Variants in PDE10A observed in about 807,000 individuals in gnomAD.
PDE10A encodes the protein cAMP and cAMP-inhibited cGMP 3',5'-cyclic phosphodiesterase 10A.
A neutral mutation model predicts 97.7 loss-of-function variants in PDE10A; 39 were observed. The ratio of observed to expected loss-of-function variants is 0.40; its 90% CI spans 0.31 to 0.52. The LOEUF is 0.52. PDE10A is among the 20% of genes least tolerant of loss of function. The pLI, the probability that PDE10A is intolerant of heterozygous loss-of-function variation, is 0.56. For synonymous variants in PDE10A, 371 were observed against 376.8 expected, an observed-to-expected ratio of 0.98 and a Z score of 0.18; for missense variants, 731 against 1,047.8, an observed-to-expected ratio of 0.70 and a Z score of 4.17.
At chr6:165,815,478 A>T (rs897685113) in intron 1 of PDE10A, among the ~76,000 whole-genome samples, 2 of 152,174 alleles carry the variant, frequency 1.3e-5, no homozygotes, top group Non-Finnish European at 2.9e-5. Flanking sequence ...TGGGGTAACG[A>T]AGGGTGGAAG....
At chr6:165,984,432 A>C (rs1391023178) in intron 1 of PDE10A, among the ~76,000 whole-genome samples, 2 of 152,246 alleles carry the variant, frequency 1.3e-5, no homozygotes, top group Non-Finnish European at 2.9e-5. Flanking sequence ...GCAGTCATAC[A>C]TTTATTAATT....
chr6:165,406,603 C>T (rs1787193280), intron 13 of PDE10A, among the ~76,000 whole-genome samples: 1 of 152,038 alleles, frequency 6.6e-6, no homozygotes, highest in African/African-American at 2.4e-5. Flanking sequence ...ATTAACCTCA[C>T]CGTCTTTGAT....
At chr6:165,764,591 G>A (rs1020649364) in intron 1 of PDE10A, among the ~76,000 whole-genome samples, 1 of 152,132 alleles carries the variant, frequency 6.6e-6, no homozygotes, top group African/African-American at 2.4e-5. Flanking sequence ...GCTGGCTCAG[G>A]AGTGAAGCTG....
At chr6:165,771,496 A>T (rs907699376) in intron 1 of PDE10A, among the ~76,000 whole-genome samples, 2 of 152,138 alleles carry the variant, frequency 1.3e-5, no homozygotes, top group Non-Finnish European at 2.9e-5. Flanking sequence ...CAAAGAGAAG[A>T]CACCTGGGAA....
chr6:165,540,150 A>T (rs2128320909), intron 2 of PDE10A, among the ~76,000 whole-genome samples: 1 of 152,304 alleles, frequency 6.6e-6, no homozygotes, highest in South Asian at 2.1e-4. Context: ...CACGCAGTTC[A>T]TGCCTTCAAA....
intron 13 of PDE10A, among the ~76,000 whole-genome samples, chr6:165,401,018 A>G (rs1175559057): frequency 1.3e-5 from 2 of 152,184 alleles, no homozygotes; most frequent in African/African-American, 4.8e-5. Context: ...TAGTGACAGA[A>G]AGCAAATCAA....
At chr6:165,601,559 C>T (rs1054241922) in intron 1 of PDE10A, among the ~76,000 whole-genome samples, 1 of 152,126 alleles carries the variant, frequency 6.6e-6, no homozygotes, top group Non-Finnish European at 1.5e-5. Flanking sequence ...ATTGCCCTGT[C>T]CTTTAAATTC....
intron 1 of PDE10A, among the ~76,000 whole-genome samples, chr6:165,981,203 G>C (rs963201659): frequency 6.6e-6 from 1 of 152,136 alleles, no homozygotes; most frequent in Non-Finnish European, 1.5e-5. Flanking sequence ...TTATTGAACT[G>C]TGATGCTTTA....
intron 1 of PDE10A, among the ~76,000 whole-genome samples, chr6:165,881,392 CTTT>C (rs68159417): frequency 0.25 from 26,415 of 107,114 alleles, 2,771 homozygotes; most frequent in East Asian, 0.36. Context: ...TTTTTCTTTT[CTTT>C]TTTTTTTTTT....
rs1300320070 is a variant in PDE10A, at chr6:165,662,064, C to T, written c.748G>A (p.Gly250Ser). Reference protein sequence around the residue: ...GGGQTPRRPQGASFALAAAAA... With the variant: ...GGGQTPRRPQSASFALAAAAA... ...GCGGCGGCGAGGGCGAAGCTGGCGC[C>T]CTGGGGACGCCGCGGAGTTTGGCCG... Residue 250 changes from glycine (G) to serine (S), a missense_variant, in exon 1 of 22, where the codon GGC (glycine) becomes AGC (serine). Coordinates refer to ENST00000539869, the MANE Select transcript of PDE10A (RefSeq NM_001385079.1). 16 of 1,403,014 alleles carry T rather than the reference C, an allele frequency of 1.1e-5. No homozygotes were observed. The highest frequency in any genetic ancestry group is 1.4e-5 in the Non-Finnish European group (15 of 1,065,276). The allele number at this position is 1,403,014 out of a possible 1,614,324, so 86.9% of individuals were successfully genotyped here.
intron 1 of PDE10A, among the ~76,000 whole-genome samples, chr6:165,591,689 C>T (rs988231926): frequency 6.6e-6 from 1 of 152,090 alleles, no homozygotes; most frequent in South Asian, 2.1e-4. Flanking sequence ...TTGTTTTTTG[C>T]TTTTTTGTTT....
At chr6:165,692,783 C>T (rs1418197740) in intron 1 of PDE10A, among the ~76,000 whole-genome samples, 1 of 152,180 alleles carries the variant, frequency 6.6e-6, no homozygotes, top group African/African-American at 2.4e-5. Flanking sequence ...TTGTATCCAC[C>T]TTTCCCTTCT....
At chr6:165,526,194 T>G (rs1004986634) in intron 2 of PDE10A, among the ~76,000 whole-genome samples, 1 of 152,194 alleles carries the variant, frequency 6.6e-6, no homozygotes, top group Non-Finnish European at 1.5e-5. Flanking sequence ...TAGTGGACAC[T>G]GGCTCTGAGC....
At chr6:165,607,885 G>A (rs966175064) in intron 1 of PDE10A, among the ~76,000 whole-genome samples, 5 of 151,960 alleles carry the variant, frequency 3.3e-5, no homozygotes, top group Non-Finnish European at 5.9e-5. Context: ...CAATGTCAAT[G>A]TCACCCTATC....
chr6:165,909,466 G>T (rs1359787121), intron 1 of PDE10A, among the ~76,000 whole-genome samples: 1 of 152,198 alleles, frequency 6.6e-6, no homozygotes, highest in African/African-American at 2.4e-5. Context: ...ATAGAAAATG[G>T]CTTCCTGGTT....
intron 1 of PDE10A, among the ~76,000 whole-genome samples, chr6:165,834,313 A>T (rs1162417659): frequency 6.6e-6 from 1 of 152,216 alleles, no homozygotes; most frequent in Non-Finnish European, 1.5e-5. Context: ...CACACTTTCC[A>T]AACTGGCAGT....
intron 1 of PDE10A, among the ~76,000 whole-genome samples, chr6:165,715,904 A>G (rs1792014965): frequency 6.6e-6 from 1 of 152,204 alleles, no homozygotes; most frequent in Non-Finnish European, 1.5e-5. Flanking sequence ...CTGTCCTACC[A>G]GACAGTCAGG....
At chr6:165,551,189 T>C (rs1783997045) in intron 1 of PDE10A, among the ~76,000 whole-genome samples, 1 of 152,212 alleles carries the variant, frequency 6.6e-6, no homozygotes, top group Non-Finnish European at 1.5e-5. Flanking sequence ...AAAACCTTCC[T>C]TTATTTGTCC....
chr6:165,458,302 C>G lies in PDE10A; in HGVS notation c.1024-7940G>C, dbSNP rs533312412. Among the ~76,000 whole-genome samples the G allele has an allele frequency of 4.6e-5, 7 of 152,232 alleles. 1 individual carries two copies. The South Asian group carries it at 1.5e-3, about 32-fold the overall frequency. The stretch of plus-strand genomic sequence containing the variant: ...ATTCCTACGCTGAAATCTTAACCCC[C>G]ACTGTGATGCAATCAGGAGGTGGGA... On this transcript the variant is annotated intron_variant, in intron 3 of 21. Coordinates refer to ENST00000539869, the MANE Select transcript of PDE10A (RefSeq NM_001385079.1).
Sources: gnomAD v4.1 joint callset for allele counts (sites outside exome capture counted in the v4.1 genomes callset) on GRCh38, gnomAD v4.1.1 for gene constraint, MANE v1.5 for transcripts, NCBI Gene and HGNC (gene_info 2026-07-23, HGNC 2026-07-21) for gene names.